Variants in RBM10 observed in about 807,000 individuals in gnomAD.
RBM10 encodes the protein RNA-binding protein 10.
In RBM10, 1 loss-of-function variant was observed where a neutral mutation model predicts 84.9. The ratio of observed to expected loss-of-function variants is 0.01; its 90% CI spans 0.00 to 0.06. The LOEUF (loss-of-function observed/expected upper bound fraction) is 0.06. Ranked by LOEUF, RBM10 falls within the 10% of genes least tolerant of loss-of-function variation. RBM10 has a pLI of 1.00. For missense variants in RBM10, 438 were observed against 839.0 expected (o/e 0.52, Z 5.90); for synonymous variants, 326 against 344.5 (o/e 0.95, Z 0.60).
Position 47,186,809 on chromosome X carries a change from C to A in RBM10, c.*210C>A. The stretch of plus-strand genomic sequence containing the variant: ...TGTTTTGTAATAAAAGCTGAAAAGT[C>A]TGCATGTTGGCCTCTCCTCTTTCTC... On this transcript the variant is annotated 3_prime_UTR_variant, in exon 24 of 24. Coordinates refer to ENST00000377604, the MANE Select transcript of RBM10 (RefSeq NM_005676.5). The A allele has an allele frequency of 2.1e-6, 1 of 483,673 alleles. No individual in the cohort carries two copies. Among genetic ancestry groups the A allele is most frequent in the South Asian group, 2.9e-5 (1 of 34,011 alleles). 39.9% of individuals were successfully genotyped at this position (483,673 alleles called of 1,213,427 possible). A position where few individuals can be genotyped will look rare whatever the true frequency, so the allele number is the denominator to read the frequency against.
At chrX:47,167,583 C>T (rs1934331623) in intron 2 of RBM10, among the ~76,000 whole-genome samples, 1 of 111,415 alleles carries the variant, frequency 9.0e-6, no homozygotes, top group Non-Finnish European at 1.9e-5. Context: ...AGGCTGGTCT[C>T]GAATTCCTGA....
intron 2 of RBM10, among the ~76,000 whole-genome samples, chrX:47,167,490 A>G (rs1482071197): frequency 9.2e-6 from 1 of 108,683 alleles, no homozygotes; most frequent in African/African-American, 3.4e-5. Context: ...CAGCCTCCCA[A>G]GTAGCTGAGA....
In RBM10 at chrX:47,161,065, C is replaced by T. The variant is rs782506609; in HGVS notation, c.18-8250C>T. On this transcript the variant is annotated intron_variant, in intron 2 of 23. Transcript: ENST00000377604. ...CTGTCTCCCTGGCTCAAGGGATCCT[C>T]CCACCTCAGCCTCACACACAGCTAA... Among the ~76,000 whole-genome samples, 9 of 111,593 alleles carry T rather than the reference C, an allele frequency of 8.1e-5. No homozygotes were observed. The South Asian group carries it at 3.4e-3, about 42-fold the overall frequency.
intron 6 of RBM10, among the ~76,000 whole-genome samples, chrX:47,175,713 C>T (rs1201399190): frequency 9.0e-5 from 10 of 111,221 alleles, no homozygotes; most frequent in African/African-American, 2.9e-4. Context: ...CAGGAGGCAC[C>T]ACCTCAGGCA....
At chrX:47,172,369 G>A (rs1260054228) in intron 4 of RBM10, among the ~76,000 whole-genome samples, 1 of 112,147 alleles carries the variant, frequency 8.9e-6, no homozygotes, top group Non-Finnish European at 1.9e-5. Flanking sequence ...TGTCCTGTCT[G>A]TTGTTTAACC....
intron 1 of RBM10, among the ~76,000 whole-genome samples, chrX:47,145,857 G>A (rs1219679382): frequency 9.8e-6 from 1 of 102,521 alleles, no homozygotes; most frequent in Admixed American, 1.1e-4. Context: ...TTACTCTGGT[G>A]TTTATCGGTC....
chrX:47,182,435 G>A, intron 17 of RBM10, 109 bp downstream of exon 17: 1 of 1,060,429 alleles, frequency 9.4e-7, no homozygotes, highest in Non-Finnish European at 1.3e-6. Flanking sequence ...GGCAGGTGTG[G>A]ATGTGGGCAG....
chrX:47,181,000 G>A (rs1310388230), intron 12 of RBM10, among the ~76,000 whole-genome samples: 5 of 111,213 alleles, frequency 4.5e-5, no homozygotes, highest in Admixed American at 2.9e-4. Context: ...GGAACATTTT[G>A]GCGTTCATCT....
chrX:47,174,877 C>G, intron 5 of RBM10, 142 bp from the exon 6 acceptor site: 1 of 411,074 alleles, frequency 2.4e-6, no homozygotes, highest in Non-Finnish European at 4.5e-6. Flanking sequence ...TCTCTGATTG[C>G]CTCTTTCTCT....
Position 47,181,511 on chromosome X carries a change from C to A in RBM10, c.1440C>A (p.Pro480=), listed in dbSNP as rs782336015. 8.3e-7 allele frequency: 1 copy of A among 1,211,560 alleles called. No homozygotes were observed. Among genetic ancestry groups the A allele is most frequent in the South Asian group, 1.8e-5 (1 of 56,990 alleles). ...CTGCCCTGTCCCTCCTTACAGGTCC[C>A]GAGGCCTCCCTAGAGCCTGGGGCCG... ...GTKGDPTGAG[P]EASLEPGADS... is the part of the protein sequence containing the mutation. Residue 480 remains proline, a synonymous_variant, in exon 14 of 24, where the codon CCC becomes CCA. Transcript: ENST00000377604.
chrX:47,182,096 G>T (rs1030584419), intron 16 of RBM10, 54 bp downstream of exon 16: 33 of 1,209,019 alleles, frequency 2.7e-5, no homozygotes, highest in Admixed American at 1.5e-4. Flanking sequence ...GTCAGGAACA[G>T]CTAGCCCTGC....
intron 3 of RBM10, 49 bp from the exon 4 acceptor site, chrX:47,170,979 C>T (rs1219340045): frequency 1.7e-6 from 2 of 1,160,549 alleles, no homozygotes; most frequent in African/African-American, 1.8e-5. Context: ...CCTAGGCCTG[C>T]CCAGACTGAC....
chrX:47,146,587 G>T (rs1932253658), intron 1 of RBM10, among the ~76,000 whole-genome samples: 1 of 111,489 alleles, frequency 9.0e-6, no homozygotes, highest in Non-Finnish European at 1.9e-5. Flanking sequence ...CTGAGGGTTG[G>T]ATGAAGTGGC....
In RBM10 at chrX:47,145,294, TG is replaced by T; in HGVS notation, c.-314del. ...TTTTGAGCTGGTGACTGTGGCCGGC[TG>T]GGAGTAGGCGGCAGTGAGTTTCCCT... is the stretch of plus-strand genomic sequence containing the variant. On this transcript the variant is annotated 5_prime_UTR_variant, in exon 1 of 24. Transcript: ENST00000377604. The T allele has an allele frequency of 1.7e-6, 1 of 598,159 alleles. No individual in the cohort carries two copies. The highest frequency in any genetic ancestry group is 2.7e-6 in the Non-Finnish European group (1 of 367,770). The allele number at this position is 598,159 out of a possible 1,213,427, so 49.3% of individuals were successfully genotyped here.
At chrX:47,176,865 A>G (rs1556776530) in intron 7 of RBM10, among the ~76,000 whole-genome samples, 1 of 111,316 alleles carries the variant, frequency 9.0e-6, no homozygotes, top group Non-Finnish European at 1.9e-5. Flanking sequence ...TCTTGCCTGG[A>G]GTTCCAGTAG....
At chrX:47,179,547 C>A in intron 9 of RBM10, 52 bp downstream of exon 9, 1 of 1,131,552 alleles carries the variant, frequency 8.8e-7, no homozygotes, top group South Asian at 1.9e-5. Context: ...GGGCTGGGCT[C>A]ACCAAGACCA....
intron 2 of RBM10, among the ~76,000 whole-genome samples, chrX:47,161,090 A>ATTTCTTTC (rs1165327228): frequency 3.6e-5 from 4 of 109,883 alleles, no homozygotes; most frequent in Non-Finnish European, 3.8e-5. Context: ...CACACAGCTA[A>ATTTCTTTC]TTTCTTTCTT....
intron 2 of RBM10, among the ~76,000 whole-genome samples, chrX:47,164,120 T>C (rs1392272779): frequency 4.5e-5 from 5 of 110,084 alleles, no homozygotes; most frequent in Non-Finnish European, 7.6e-5. Context: ...CTGCCCACAT[T>C]GGCCTCCCAA....
chrX:47,186,807 GTC>G lies in RBM10; in HGVS notation c.*210_*211del. On this transcript the variant is annotated 3_prime_UTR_variant, in exon 24 of 24. Transcript: ENST00000377604. The stretch of plus-strand genomic sequence containing the variant: ...CCTGTTTTGTAATAAAAGCTGAAAA[GTC>G]TGCATGTTGGCCTCTCCTCTTTCTC... 1 of 488,533 alleles carries G rather than the reference GTC, an allele frequency of 2.0e-6. No individual in the cohort carries two copies. Among genetic ancestry groups the G allele is most frequent in the Non-Finnish European group, 3.6e-6 (1 of 281,494 alleles). The allele number at this position is 488,533 out of a possible 1,213,427, so 40.3% of individuals were successfully genotyped here. A position where few individuals can be genotyped will look rare whatever the true frequency, so the allele number is the denominator to read the frequency against.
Sources: allele counts gnomAD v4.1 joint callset (sites outside exome capture counted in the v4.1 genomes callset), GRCh38; gene constraint gnomAD v4.1.1; transcripts MANE v1.5; gene names NCBI Gene and HGNC (gene_info 2026-07-23, HGNC 2026-07-21).